Variants in ADGRL2 observed in about 807,000 individuals in gnomAD.
ADGRL2 encodes the protein adhesion G protein-coupled receptor L2, also known as calcium-independent alpha-latrotoxin receptor 2.
A neutral mutation model predicts 157.4 loss-of-function variants in ADGRL2; 44 were observed. That is an observed-to-expected ratio of 0.28 (90% CI 0.22 to 0.36). ADGRL2 has a LOEUF of 0.36. ADGRL2 is among the 10% of genes least tolerant of loss of function. The pLI, the probability that ADGRL2 is intolerant of heterozygous loss-of-function variation, is 1.00. For missense variants in ADGRL2, 1,510 were observed against 1,768.9 expected (o/e 0.85, Z 2.63); for synonymous variants, 585 against 624.7 (o/e 0.94, Z 0.95).
At chr1:81,562,043 TA>T (rs1410180424) in intron 2 of ADGRL2, among the ~76,000 whole-genome samples, 2 of 152,206 alleles carry the variant, frequency 1.3e-5, no homozygotes, top group African/African-American at 4.8e-5. Flanking sequence ...CTCTAATTTT[TA>T]AGGTAAAAGA....
At chr1:81,650,142 G>A (rs1383246561) in intron 3 of ADGRL2, among the ~76,000 whole-genome samples, 3 of 151,620 alleles carry the variant, frequency 2.0e-5, no homozygotes, top group African/African-American at 4.8e-5. Context: ...TGTAATAGAC[G>A]ATAGTAAACT....
chr1:81,797,761 T>C (rs1188723017), upstream of ADGRL2, among the ~76,000 whole-genome samples: 1 of 152,140 alleles, frequency 6.6e-6, no homozygotes, highest in Non-Finnish European at 1.5e-5. Flanking sequence ...CTGAATAAAA[T>C]AATCTTCAGT....
At chr1:81,383,825 A>AGAG (rs1553159645) in intron 1 of ADGRL2, among the ~76,000 whole-genome samples, 5 of 143,914 alleles carry the variant, frequency 3.5e-5, no homozygotes, top group Non-Finnish European at 6.1e-5. Flanking sequence ...AAAAAAAAAA[A>AGAG]AGAGAGCCGG....
At chr1:81,813,963 T>A (rs1160398041) in intron 1 of ADGRL2, among the ~76,000 whole-genome samples, 1 of 151,708 alleles carries the variant, frequency 6.6e-6, no homozygotes, top group East Asian at 1.9e-4. Flanking sequence ...CTACCTGTTT[T>A]GTCTTAAATT....
intron 2 of ADGRL2, among the ~76,000 whole-genome samples, chr1:81,568,228 G>T (rs2080607104): frequency 6.6e-6 from 1 of 151,988 alleles, no homozygotes; most frequent in Non-Finnish European, 1.5e-5. Flanking sequence ...CTAGAAAGAG[G>T]GATCATTGTC....
intron 9 of ADGRL2, among the ~76,000 whole-genome samples, chr1:81,952,591 G>A (rs1411760547): frequency 5.9e-5 from 9 of 152,030 alleles, no homozygotes; most frequent in Admixed American, 1.3e-4. Flanking sequence ...CCGTCTCCAG[G>A]AATATATTGT....
At chr1:81,310,243 A>T (rs1217624025) in intron 1 of ADGRL2, among the ~76,000 whole-genome samples, 1 of 152,202 alleles carries the variant, frequency 6.6e-6, no homozygotes, top group African/African-American at 2.4e-5. Flanking sequence ...ACTGAGTAAG[A>T]ACAGGTCTAT....
intron 1 of ADGRL2, among the ~76,000 whole-genome samples, chr1:81,396,104 G>T (rs2076650778): frequency 6.6e-6 from 1 of 152,146 alleles, no homozygotes; most frequent in African/African-American, 2.4e-5. Flanking sequence ...TTGGTTGTAT[G>T]GTCATTTTTA....
At chr1:81,498,407 A>G (rs1351092740) in intron 2 of ADGRL2, among the ~76,000 whole-genome samples, 1 of 152,204 alleles carries the variant, frequency 6.6e-6, no homozygotes, top group East Asian at 1.9e-4. Context: ...TATCACAAGA[A>G]TCTGGCAAGC....
chr1:81,645,974 C>G (rs777928940), intron 3 of ADGRL2, among the ~76,000 whole-genome samples: 34 of 152,278 alleles, frequency 2.2e-4, no homozygotes, highest in Middle Eastern at 3.4e-3. Flanking sequence ...TTTCCACACT[C>G]TAGCCAATAC....
chr1:81,596,516 G>C lies in ADGRL2; in HGVS notation c.-143+15536G>C, dbSNP rs1157038271. 3 of 393,596 alleles carry C rather than the reference G, an allele frequency of 7.6e-6. No individual in the cohort carries two copies. The Admixed American group carries it at 8.5e-5, about 11-fold the overall frequency. The allele number at this position is 393,596 out of a possible 1,614,324, so 24.4% of individuals were successfully genotyped here. On this transcript the variant is annotated intron_variant, in intron 3 of 24. Coordinates refer to the ADGRL2 transcript ENST00000370721. ...TATCCTTAAAAGCCATGGCTGCTGC[G>C]CGGCTCCCTGACCGACTTGTTCCTT... is the stretch of plus-strand genomic sequence containing the variant.
chr1:81,801,847 C>T (rs1315599039), intron 1 of ADGRL2, among the ~76,000 whole-genome samples: 2 of 152,214 alleles, frequency 1.3e-5, no homozygotes, highest in Non-Finnish European at 2.9e-5. Context: ...GCTTTTGCTT[C>T]CACCACCCCT....
At chr1:81,505,593 G>T (rs1477547140) in intron 2 of ADGRL2, among the ~76,000 whole-genome samples, 1 of 150,836 alleles carries the variant, frequency 6.6e-6, no homozygotes, top group Non-Finnish European at 1.5e-5. Flanking sequence ...TGGGGCCTTG[G>T]CCCAAGCAGA....
intron 3 of ADGRL2, among the ~76,000 whole-genome samples, chr1:81,669,589 T>C (rs1252164631): frequency 6.6e-6 from 1 of 152,134 alleles, no homozygotes; most frequent in Non-Finnish European, 1.5e-5. Context: ...ATGTTAACTA[T>C]TTAATGAGAT....
At chr1:81,622,143 T>C (rs2081806168) in intron 3 of ADGRL2, among the ~76,000 whole-genome samples, 2 of 152,202 alleles carry the variant, frequency 1.3e-5, no homozygotes, top group Non-Finnish European at 2.9e-5. Flanking sequence ...AGAACTAATA[T>C]GTGTTCACTG....
In ADGRL2 at chr1:81,900,686, T is replaced by C. The variant is rs569526344; in HGVS notation, c.74-6331T>C. ...GTGCATTCTTAACTAACTGGGAAGC[T>C]AAACACATGTACAGAGGAGACATGA... On this transcript the variant is annotated intron_variant, in intron 2 of 23. Transcript: ENST00000686636. 5.9e-5 allele frequency among the ~76,000 whole-genome samples: 9 copies of C among 152,294 alleles called. No individual in the cohort carries two copies. In the South Asian group the frequency reaches 8.3e-4, roughly 14 times the overall value.
intron 2 of ADGRL2, among the ~76,000 whole-genome samples, chr1:81,493,751 A>G (rs150366188): frequency 2.0e-3 from 308 of 152,288 alleles, no homozygotes; most frequent in African/African-American, 7.1e-3. Context: ...GAAGAAAAAA[A>G]TTCGATTTAC....
chr1:81,742,219 G>C (rs142920204), intron 1 of ADGRL2, among the ~76,000 whole-genome samples: 3 of 151,904 alleles, frequency 2.0e-5, no homozygotes, highest in African/African-American at 7.2e-5. Flanking sequence ...GGGCATAAAA[G>C]GATGCTTTAA....
At chr1:81,366,331 GT>G (rs1174325933) in intron 1 of ADGRL2, among the ~76,000 whole-genome samples, 3 of 151,494 alleles carry the variant, frequency 2.0e-5, no homozygotes, top group African/African-American at 7.3e-5. Flanking sequence ...AGTGAGATAT[GT>G]TCTTTTAAAA....
Sources: allele counts gnomAD v4.1 joint callset (sites outside exome capture counted in the v4.1 genomes callset), GRCh38; gene constraint gnomAD v4.1.1; transcripts MANE v1.5; gene names NCBI Gene and HGNC (gene_info 2026-07-23, HGNC 2026-07-21).